IMMP1L: variants seen among roughly 807,000 people sequenced by gnomAD.
IMMP1L encodes inner mitochondrial membrane peptidase subunit 1.
In IMMP1L, 24 loss-of-function variants were observed where a neutral mutation model predicts 21.8. That is an observed-to-expected ratio of 1.10 (90% CI 0.80 to 1.55). The LOEUF (loss-of-function observed/expected upper bound fraction) is 1.55. Among genes scored for constraint, IMMP1L ranks in the 40% most tolerant of loss-of-function variants. The probability of loss-of-function intolerance (pLI) is 0.00; values close to 1 mark genes in which losing one functional copy is unlikely to be tolerated. For missense variants in IMMP1L, 195 were observed against 200.7 expected (o/e 0.97, Z 0.17); for synonymous variants, 46 against 62.8 (o/e 0.73, Z 1.26).
intron 1 of IMMP1L, among the ~76,000 whole-genome samples, chr11:31,470,300 G>T (rs1393676352): frequency 6.6e-6 from 1 of 151,870 alleles, no homozygotes. Context: ...GTAATCCCAG[G>T]TGCTCAGGAG....
At chr11:31,497,961 T>G (rs561847077) in intron 1 of IMMP1L, among the ~76,000 whole-genome samples, 47 of 152,248 alleles carry the variant, frequency 3.1e-4, no homozygotes, top group African/African-American at 1.1e-3. Context: ...CACAAATACT[T>G]CAGTTAGAAA....
intron 1 of IMMP1L, among the ~76,000 whole-genome samples, chr11:31,485,896 T>C (rs371400144): frequency 6.6e-6 from 1 of 151,848 alleles, no homozygotes; most frequent in East Asian, 1.9e-4. Context: ...AAACTTAAAA[T>C]GTATTCTGTT....
chr11:31,470,928 TC>T (rs1440616805), intron 1 of IMMP1L, among the ~76,000 whole-genome samples: 1 of 152,180 alleles, frequency 6.6e-6, no homozygotes, highest in Non-Finnish European at 1.5e-5. Flanking sequence ...AAAGTTGATT[TC>T]ACAGAAGGAG....
chr11:31,467,647 T>C (rs1181969796), intron 1 of IMMP1L, among the ~76,000 whole-genome samples: 1 of 152,052 alleles, frequency 6.6e-6, no homozygotes, highest in Non-Finnish European at 1.5e-5. Context: ...TGACAGCTAA[T>C]AAATGTAGAA....
chr11:31,456,893 A>AC (rs1272586940), intron 3 of IMMP1L, among the ~76,000 whole-genome samples: 34 of 144,902 alleles, frequency 2.3e-4, no homozygotes, highest in Middle Eastern at 6.9e-3. Context: ...AAAAAAAAAA[A>AC]AAAAAAAAAA....
At chr11:31,483,106 A>C (rs1427768759) in intron 1 of IMMP1L, among the ~76,000 whole-genome samples, 3 of 152,046 alleles carry the variant, frequency 2.0e-5, no homozygotes. Flanking sequence ...AAACAAGAAA[A>C]ATGAATCTGC....
At chr11:31,444,637 T>C (rs1953453931) in intron 4 of IMMP1L, among the ~76,000 whole-genome samples, 1 of 150,568 alleles carries the variant, frequency 6.6e-6, no homozygotes, top group Admixed American at 6.6e-5. Flanking sequence ...TTGCCCAGGC[T>C]GGAGTGCCAT....
intron 1 of IMMP1L, among the ~76,000 whole-genome samples, chr11:31,472,376 G>A (rs1377428082): frequency 6.6e-6 from 1 of 152,160 alleles, no homozygotes; most frequent in Non-Finnish European, 1.5e-5. Context: ...CAGAAACTTA[G>A]GAAGCGTTGT....
At chr11:31,452,891 C>T (rs1308245013) in intron 4 of IMMP1L, 13 of 588,416 alleles carry the variant, frequency 2.2e-5, no homozygotes, top group Non-Finnish European at 3.1e-5. Context: ...GCTGAGATGA[C>T]AGGCGCCTGC....
intron 1 of IMMP1L, among the ~76,000 whole-genome samples, chr11:31,475,570 C>T (rs1237034552): frequency 3.9e-5 from 6 of 152,062 alleles, no homozygotes; most frequent in Non-Finnish European, 8.8e-5. Context: ...ACTTATCATT[C>T]TTTCTAAAAA....
chr11:31,496,915 C>A (rs1476633713), intron 1 of IMMP1L, among the ~76,000 whole-genome samples: 2 of 147,336 alleles, frequency 1.4e-5, no homozygotes, highest in Non-Finnish European at 3.0e-5. Flanking sequence ...ATAATACAAT[C>A]TTATATATTA....
chr11:31,456,588 T>A (rs971818333), intron 3 of IMMP1L, among the ~76,000 whole-genome samples: 1 of 152,044 alleles, frequency 6.6e-6, no homozygotes, highest in African/African-American at 2.4e-5. Context: ...ATAAGAGTGA[T>A]AAAAAGGCTA....
chr11:31,469,516 C>T (rs372769771), intron 1 of IMMP1L, among the ~76,000 whole-genome samples: 1 of 152,082 alleles, frequency 6.6e-6, no homozygotes, highest in East Asian at 1.9e-4. Context: ...CTCAGCCTAA[C>T]AGGAGACAAG....
intron 1 of IMMP1L, among the ~76,000 whole-genome samples, chr11:31,507,420 G>T (rs1308932285): frequency 6.6e-6 from 1 of 152,158 alleles, no homozygotes; most frequent in East Asian, 1.9e-4. Flanking sequence ...TAATTCTTCA[G>T]TTCTAGTAAT....
At chr11:31,448,914 GT>G in intron 4 of IMMP1L, 1 of 983,092 alleles carries the variant, frequency 1.0e-6, no homozygotes, top group Non-Finnish European at 1.2e-6. Context: ...TCAGAATTGT[GT>G]TAGCTATAGA....
intron 1 of IMMP1L, among the ~76,000 whole-genome samples, chr11:31,504,125 T>G (rs1228193096): frequency 6.6e-6 from 1 of 152,046 alleles, no homozygotes; most frequent in Non-Finnish European, 1.5e-5. Flanking sequence ...AAAACATCAA[T>G]GGTTTTAGGA....
intron 4 of IMMP1L, among the ~76,000 whole-genome samples, chr11:31,451,171 C>T (rs1953741846): frequency 6.6e-6 from 1 of 152,066 alleles, no homozygotes; most frequent in South Asian, 2.1e-4. Flanking sequence ...TTGCAGGCCA[C>T]CATAAGGCCT....
At chr11:31,451,816 G>A (rs747411508) in intron 4 of IMMP1L, among the ~76,000 whole-genome samples, 34 of 152,012 alleles carry the variant, frequency 2.2e-4, no homozygotes, top group Non-Finnish European at 4.4e-4. Flanking sequence ...AACAACAGAA[G>A]TTTAAAATAT....
intron 3 of IMMP1L, among the ~76,000 whole-genome samples, chr11:31,456,868 C>T (rs1325498980): frequency 1.3e-5 from 1 of 78,788 alleles, no homozygotes; most frequent in Non-Finnish European, 2.1e-5. Flanking sequence ...AGACTGAGAC[C>T]ATGTCTCCAA....
Sources: allele counts gnomAD v4.1 joint callset (sites outside exome capture counted in the v4.1 genomes callset), GRCh38; gene constraint gnomAD v4.1.1; transcripts MANE v1.5; gene names NCBI Gene and HGNC (gene_info 2026-07-23, HGNC 2026-07-21).